LRBA: variants seen among roughly 807,000 people sequenced by gnomAD.
LRBA encodes the protein LPS responsive beige-like anchor protein.
In LRBA, 176 loss-of-function variants were observed where a neutral mutation model predicts 330.0. The ratio of observed to expected loss-of-function variants is 0.53; its 90% CI spans 0.47 to 0.60. The LOEUF is 0.60. Among genes scored for constraint, LRBA ranks in the 20% least tolerant of loss-of-function variants. The pLI, the probability that LRBA is intolerant of heterozygous loss-of-function variation, is 0.00. For missense variants in LRBA, 3,259 were observed against 3,444.8 expected, an observed-to-expected ratio of 0.95 and a Z score of 1.35; for synonymous variants, 1,230 against 1,193.0, an observed-to-expected ratio of 1.03 and a Z score of -0.64.
chr4:150,785,979 G>A (rs1187407448), intron 34 of LRBA, among the ~76,000 whole-genome samples: 1 of 152,142 alleles, frequency 6.6e-6, no homozygotes, highest in Non-Finnish European at 1.5e-5. Context: ...ATCTTTGGGA[G>A]CCTATTGAAA....
chr4:150,645,418 T>C (rs1367454542), intron 37 of LRBA, among the ~76,000 whole-genome samples: 1 of 151,914 alleles, frequency 6.6e-6, no homozygotes, highest in African/African-American at 2.4e-5. Context: ...CTTTATATAC[T>C]TTTCTGTGCT....
Position 150,852,169 on chromosome 4 carries a change from T to A in LRBA, c.3541A>T (p.Thr1181Ser). Residue 1181 changes from threonine to serine, a missense_variant, in exon 23 of 57, where the codon ACT (threonine) becomes TCT (serine). Thr to Ser is a moderately conservative substitution (Grantham distance 58). Transcript: ENST00000651943. The part of the protein sequence containing the change: ...TQDSKDSGIQ[T>S]MTASGSSAMS... ...GCTGAAGACCCTGATGCTGTCATAG[T>A]CTGAATTCCAGAATCTTTAGAATCT... 6.2e-7 allele frequency: 1 copy of A among 1,614,154 alleles called. No individual in the cohort carries two copies. Among genetic ancestry groups the A allele is most frequent in the Non-Finnish European group, 8.5e-7 (1 of 1,180,006 alleles).
intron 4 of LRBA, among the ~76,000 whole-genome samples, chr4:150,922,475 G>A (rs1733408608): frequency 6.6e-6 from 1 of 151,022 alleles, no homozygotes; most frequent in African/African-American, 2.4e-5. Flanking sequence ...CAGTGACCTG[G>A]ATAAGACTGG....
intron 47 of LRBA, among the ~76,000 whole-genome samples, chr4:150,406,724 T>G (rs906133394): frequency 6.6e-6 from 1 of 152,140 alleles, no homozygotes; most frequent in Non-Finnish European, 1.5e-5. Flanking sequence ...TCCTACTCCC[T>G]GGAATCTGTA....
chr4:150,338,703 C>T lies in LRBA; in HGVS notation c.7362+11289G>A, dbSNP rs895478899. On this transcript the variant is annotated intron_variant, in intron 48 of 56. Coordinates refer to ENST00000651943, the MANE Select transcript of LRBA (RefSeq NM_001364905.1). ...GGATTTGTAACCAAATAAGTGATCT[C>T]TAATGGTAGAATTTCAGGCATTAGG... 1.5e-4 allele frequency among the ~76,000 whole-genome samples: 23 copies of T among 152,234 alleles called. No individual in the cohort carries two copies. The South Asian group carries it at 1.7e-3, about 11-fold the overall frequency.
intron 37 of LRBA, among the ~76,000 whole-genome samples, chr4:150,674,164 A>AT (rs1469008409): frequency 6.6e-6 from 1 of 151,554 alleles, no homozygotes; most frequent in East Asian, 1.9e-4. Context: ...AAAAAAAGTA[A>AT]TTTTTGTGGT....
intron 37 of LRBA, among the ~76,000 whole-genome samples, chr4:150,629,016 TC>T (rs1375337504): frequency 1.3e-5 from 2 of 152,046 alleles, no homozygotes; most frequent in African/African-American, 2.4e-5. Flanking sequence ...TCCTGCCTCA[TC>T]CCCCAGGCAA....
intron 47 of LRBA, among the ~76,000 whole-genome samples, chr4:150,404,819 T>C (rs1745963422): frequency 6.6e-6 from 1 of 152,220 alleles, no homozygotes; most frequent in Non-Finnish European, 1.5e-5. Flanking sequence ...AATTTGAATA[T>C]TTTTCTACCA....
At chr4:150,891,658 C>T (rs1729481396) in intron 17 of LRBA, among the ~76,000 whole-genome samples, 1 of 152,106 alleles carries the variant, frequency 6.6e-6, no homozygotes, top group Admixed American at 6.5e-5. Flanking sequence ...TTTGGATTTG[C>T]CAGCTTCCAC....
chr4:150,467,126 AGAACAACT>A (rs1440404867), intron 44 of LRBA, among the ~76,000 whole-genome samples: 1 of 152,162 alleles, frequency 6.6e-6, no homozygotes, highest in African/African-American at 2.4e-5. Context: ...GGTCAAAGAA[AGAACAACT>A]GAACATCAGT....
chr4:150,508,139 A>G (rs1317707791), intron 40 of LRBA, among the ~76,000 whole-genome samples: 1 of 147,344 alleles, frequency 6.8e-6, no homozygotes, highest in Non-Finnish European at 1.5e-5. Context: ...TGACGAGTTA[A>G]TGGGTACAGC....
intron 31 of LRBA, among the ~76,000 whole-genome samples, chr4:150,809,881 ATACG>A (rs2126731691): frequency 7.0e-6 from 1 of 143,130 alleles, no homozygotes; most frequent in South Asian, 2.3e-4. Flanking sequence ...ATACGATACG[ATACG>A]ATACGATACG....
At chr4:150,435,815 G>C in intron 45 of LRBA, 107 bp from the exon 46 acceptor site, 4 of 684,396 alleles carry the variant, frequency 5.8e-6, no homozygotes, top group Non-Finnish European at 9.5e-6. Flanking sequence ...GCATTCACTA[G>C]TAATATAAAC....
chr4:150,945,401 T>C (rs942710379), intron 2 of LRBA, among the ~76,000 whole-genome samples: 1 of 152,216 alleles, frequency 6.6e-6, no homozygotes, highest in Non-Finnish European at 1.5e-5. Context: ...AATCAATATG[T>C]GCTGGCATGC....
chr4:150,715,152 T>C (rs1430847000), intron 36 of LRBA, among the ~76,000 whole-genome samples: 2 of 152,274 alleles, frequency 1.3e-5, no homozygotes, highest in Admixed American at 6.5e-5. Flanking sequence ...CTATGATAAA[T>C]TTATACCCAA....
At chr4:150,403,432 A>G (rs1483378246) in intron 47 of LRBA, among the ~76,000 whole-genome samples, 1 of 152,212 alleles carries the variant, frequency 6.6e-6, no homozygotes, top group Non-Finnish European at 1.5e-5. Flanking sequence ...CTGGCAGCAC[A>G]CTACCATGAT....
At chr4:150,837,653 C>T (rs1748347885) in intron 28 of LRBA, among the ~76,000 whole-genome samples, 1 of 152,158 alleles carries the variant, frequency 6.6e-6, no homozygotes, top group Non-Finnish European at 1.5e-5. Context: ...GGTAGATCTT[C>T]CTCCATCTCT....
intron 37 of LRBA, among the ~76,000 whole-genome samples, chr4:150,672,952 G>A (rs1465917441): frequency 6.6e-6 from 1 of 152,184 alleles, no homozygotes; most frequent in Non-Finnish European, 1.5e-5. Flanking sequence ...AGAAGGGAAG[G>A]AAAAGACCCT....
intron 34 of LRBA, among the ~76,000 whole-genome samples, chr4:150,772,893 G>A (rs62346341): frequency 0.089 from 13,482 of 152,112 alleles, 1,044 homozygotes; most frequent in African/African-American, 0.22. Context: ...ATATCCAAAT[G>A]AGGAATACGT....
Sources: allele counts gnomAD v4.1 joint callset (sites outside exome capture counted in the v4.1 genomes callset), GRCh38; gene constraint gnomAD v4.1.1; transcripts MANE v1.5; gene names NCBI Gene and HGNC (gene_info 2026-07-23, HGNC 2026-07-21).